The following METAP1D variants were observed in gnomAD, a reference collection of about 807,000 sequenced individuals.
METAP1D encodes methionyl aminopeptidase type 1D, mitochondrial, also known as methionine aminopeptidase 1D, mitochondrial.
METAP1D carries 31 observed loss-of-function variants against 40.5 expected under a neutral mutation model. The observed-to-expected ratio is 0.77, with a 90% CI of 0.58 to 1.03. The LOEUF is 1.03. Among genes scored for constraint, METAP1D ranks in the 50% least tolerant of loss-of-function variants. The pLI is 0.00. For missense variants in METAP1D, 411 were observed against 420.7 expected, an observed-to-expected ratio of 0.98 and a Z score of 0.20; for synonymous variants, 151 against 146.4, an observed-to-expected ratio of 1.03 and a Z score of -0.22.
intron 1 of METAP1D, among the ~76,000 whole-genome samples, chr2:172,039,011 A>G (rs1041969400): frequency 1.3e-5 from 2 of 152,226 alleles, no homozygotes; most frequent in African/African-American, 2.4e-5. Flanking sequence ...TGTCCATTTT[A>G]GTCCACTACT....
At chr2:172,079,665 C>T (rs574354309) in intron 8 of METAP1D, among the ~76,000 whole-genome samples, 3 of 151,980 alleles carry the variant, frequency 2.0e-5, no homozygotes, top group Admixed American at 6.6e-5. Context: ...CACCTAGGGC[C>T]GTAAAGACAT....
At chr2:172,015,969 A>G (rs1345695949) in intron 1 of METAP1D, among the ~76,000 whole-genome samples, 1 of 150,128 alleles carries the variant, frequency 6.7e-6, no homozygotes, top group Non-Finnish European at 1.5e-5. Flanking sequence ...AACTATAAAA[A>G]TAGAGAGCCG....
intron 1 of METAP1D, among the ~76,000 whole-genome samples, chr2:172,017,235 T>TAC (rs370746234): frequency 0.029 from 3,981 of 139,408 alleles, 115 homozygotes; most frequent in African/African-American, 0.069. Context: ...TGAAAGGTTT[T>TAC]ACACACACAC....
chr2:172,036,467 G>A lies in METAP1D; in HGVS notation c.41-25031G>A, dbSNP rs543514564. On this transcript the variant is annotated intron_variant, in intron 1 of 9. Transcript: ENST00000315796. The stretch of plus-strand genomic sequence containing the variant: ...TGCAAGCTCCGCCTTCCGGGTTCAC[G>A]CCATTCTCCTGCCTCAACCTCCCAA... 1.1e-4 allele frequency among the ~76,000 whole-genome samples: 17 copies of A among 148,730 alleles called. 1 individual carries two copies. The highest frequency in any genetic ancestry group is 4.1e-4 in the East Asian group (2 of 4,900).
At chr2:172,028,542 CTGTGTGTG>C (rs10529698) in intron 1 of METAP1D, among the ~76,000 whole-genome samples, 14,472 of 141,210 alleles carry the variant, frequency 0.1, 603 homozygotes, top group African/African-American at 0.11. Context: ...GTATGTGTGT[CTGTGTGTG>C]TGTGTGTGTG....
At chr2:172,035,251 G>A (rs1199751370) in intron 1 of METAP1D, among the ~76,000 whole-genome samples, 3 of 151,516 alleles carry the variant, frequency 2.0e-5, no homozygotes, top group Non-Finnish European at 2.9e-5. Context: ...TGCAAGCTCC[G>A]CCTCCCGGGT....
rs1217629032 is a variant in METAP1D, at chr2:172,042,621, G to A, written c.41-18877G>A. Among the ~76,000 whole-genome samples, 14 of 46,650 alleles carry A rather than the reference G, an allele frequency of 3.0e-4. 7 individuals are homozygous for A. Among genetic ancestry groups the A allele is most frequent in the Non-Finnish European group, 6.6e-4 (14 of 21,160 alleles). The allele number at this position is 46,650 out of a possible 152,430, so 30.6% of individuals were successfully genotyped here. On this transcript the variant is annotated intron_variant, in intron 1 of 9. Coordinates refer to ENST00000315796, the MANE Select transcript of METAP1D (RefSeq NM_199227.3). ...TGTGCACATATATACATATATGTGT[G>A]TATGTGTACACATATACATATGTGT...
chr2:172,049,327 C>T (rs1013485199), intron 1 of METAP1D, among the ~76,000 whole-genome samples: 1 of 150,590 alleles, frequency 6.6e-6, no homozygotes, highest in African/African-American at 2.4e-5. Flanking sequence ...ACATTCATAT[C>T]CTTAAATATA....
At chr2:172,027,515 G>A (rs1689145044) in intron 1 of METAP1D, among the ~76,000 whole-genome samples, 1 of 152,176 alleles carries the variant, frequency 6.6e-6, no homozygotes, top group Admixed American at 6.5e-5. Flanking sequence ...TACCCTTTAG[G>A]ATGTTCTCAC....
intron 1 of METAP1D, among the ~76,000 whole-genome samples, chr2:172,060,980 C>T (rs1362305953): frequency 1.3e-5 from 2 of 152,166 alleles, no homozygotes; most frequent in Non-Finnish European, 2.9e-5. Flanking sequence ...GCTATTTAGT[C>T]TTTATCTGAC....
chr2:172,059,040 C>G (rs550235937), intron 1 of METAP1D, among the ~76,000 whole-genome samples: 3 of 152,092 alleles, frequency 2.0e-5, no homozygotes, highest in Non-Finnish European at 4.4e-5. Flanking sequence ...GCCTCCATCA[C>G]CAGTTTCTAT....
rs539629607 is a variant in METAP1D, at chr2:172,026,430, T to C, written c.40+26421T>C. On this transcript the variant is annotated intron_variant, in intron 1 of 9. Transcript: ENST00000315796. ...CGTTTGGTTGTCTCACTTTTTGTCA[T>C]GTTAGCACCATTGATGGTCATGGCT... 1.7e-3 allele frequency among the ~76,000 whole-genome samples: 260 copies of C among 152,334 alleles called. 1 individual carries two copies. The highest frequency in any genetic ancestry group is 7.5e-3 in the South Asian group (36 of 4,828).
At chr2:172,058,963 C>T (rs1343621823) in intron 1 of METAP1D, among the ~76,000 whole-genome samples, 1 of 152,156 alleles carries the variant, frequency 6.6e-6, no homozygotes, top group Non-Finnish European at 1.5e-5. Context: ...AAATGTTACT[C>T]TAGGCCAGTT....
chr2:172,076,462 C>T (rs1450008125), intron 6 of METAP1D, among the ~76,000 whole-genome samples: 1 of 152,136 alleles, frequency 6.6e-6, no homozygotes, highest in African/African-American at 2.4e-5. Context: ...AAATACTTGC[C>T]CACCAAAGAT....
intron 1 of METAP1D, among the ~76,000 whole-genome samples, chr2:172,054,411 C>T (rs897382607): frequency 2.6e-5 from 4 of 151,840 alleles, no homozygotes; most frequent in Non-Finnish European, 5.9e-5. Context: ...CCCAGCTACT[C>T]GGGAGGCTGA....
intron 1 of METAP1D, among the ~76,000 whole-genome samples, chr2:172,045,774 T>C: frequency 7.9e-6 from 1 of 127,346 alleles, no homozygotes. Context: ...TATATATGTA[T>C]ATATGTGTAT....
In METAP1D at chr2:172,063,900, G is replaced by A. The variant is rs1690192383; in HGVS notation, c.348+40G>A. On this transcript the variant is annotated intron_variant, in intron 3 of 9. Coordinates refer to ENST00000315796, the MANE Select transcript of METAP1D (RefSeq NM_199227.3). ...AGCCTCAGAACGACTTACATAAGGG[G>A]CAACAAACACTCCTCTTTTTTTCCT... The A allele has an allele frequency of 2.6e-6, 4 of 1,523,736 alleles. No individual in the cohort carries two copies. The East Asian group carries it at 7.3e-5, about 28-fold the overall frequency. The allele number at this position is 1,523,736 out of a possible 1,614,324, so 94.4% of individuals were successfully genotyped here.
intron 1 of METAP1D, among the ~76,000 whole-genome samples, chr2:172,019,596 G>A (rs374868288): frequency 6.6e-6 from 1 of 151,776 alleles, no homozygotes; most frequent in African/African-American, 2.4e-5. Flanking sequence ...TTTCCAAGGA[G>A]GAAAGGGCCT....
At chr2:172,034,314 GT>G (rs1429317217) in intron 1 of METAP1D, among the ~76,000 whole-genome samples, 3 of 152,018 alleles carry the variant, frequency 2.0e-5, no homozygotes, top group Admixed American at 6.6e-5. Context: ...ATAATAAAAA[GT>G]TTTTAAAATA....
Sources: allele counts gnomAD v4.1 joint callset (sites outside exome capture counted in the v4.1 genomes callset), GRCh38; gene constraint gnomAD v4.1.1; transcripts MANE v1.5; gene names NCBI Gene and HGNC (gene_info 2026-07-23, HGNC 2026-07-21).